Variants in RGS21 observed in about 807,000 individuals in gnomAD.
RGS21 encodes the protein regulator of G protein signaling 21.
In RGS21, 19 loss-of-function variants were observed where a neutral mutation model predicts 18.7. The ratio of observed to expected loss-of-function variants is 1.01; its 90% CI spans 0.71 to 1.49. The LOEUF is 1.49. RGS21 is among the 40% of genes most tolerant of loss of function. The probability of loss-of-function intolerance (pLI) is 0.00; values close to 1 mark genes in which losing one functional copy is unlikely to be tolerated. For synonymous variants in RGS21, 56 were observed against 57.8 expected (o/e 0.97, Z 0.14); for missense variants, 194 against 176.8 (o/e 1.10, Z -0.55).
chr1:192,325,022 G>A (rs912244693), intron 1 of RGS21, among the ~76,000 whole-genome samples: 1 of 152,020 alleles, frequency 6.6e-6, no homozygotes, highest in Non-Finnish European at 1.5e-5. Flanking sequence ...TGGGAATAAG[G>A]ATGATCTGGC....
intron 1 of RGS21, among the ~76,000 whole-genome samples, chr1:192,320,937 T>G (rs1426028462): frequency 1.3e-5 from 2 of 152,018 alleles, no homozygotes; most frequent in Admixed American, 1.3e-4. Context: ...ACTCCCCATA[T>G]CATTTATAAA....
intron 1 of RGS21, among the ~76,000 whole-genome samples, chr1:192,327,443 C>A (rs1452967009): frequency 6.6e-6 from 1 of 151,662 alleles, no homozygotes; most frequent in Non-Finnish European, 1.5e-5. Flanking sequence ...AAAATTATTG[C>A]ATTTTAAAAC....
chr1:192,351,699 G>T lies in RGS21; in HGVS notation c.89-348G>T, dbSNP rs138582509. Among the ~76,000 whole-genome samples, 630 of 146,156 alleles carry T rather than the reference G, an allele frequency of 4.3e-3. 3 individuals carry two copies. The highest frequency in any genetic ancestry group is 0.015 in the African/African-American group (600 of 40,042). Reference sequence around the variant, plus strand: ...CACATATAATATATATGCTATATATGCTATATATAGCATATATAACACATA... The same window carrying T: ...CACATATAATATATATGCTATATATTCTATATATAGCATATATAACACATA... On this transcript the variant is annotated intron_variant, in intron 3 of 4. Transcript: ENST00000417209.
At chr1:192,322,008 A>G (rs542251331) in intron 1 of RGS21, among the ~76,000 whole-genome samples, 2 of 152,246 alleles carry the variant, frequency 1.3e-5, no homozygotes, top group South Asian at 2.1e-4. Flanking sequence ...TTTTCTTATA[A>G]TATCTTTTAA....
At chr1:192,340,946 A>G (rs1318306307) in intron 1 of RGS21, among the ~76,000 whole-genome samples, 3 of 152,122 alleles carry the variant, frequency 2.0e-5, no homozygotes, top group South Asian at 2.1e-4. Flanking sequence ...GGGAGCTACA[A>G]TTCAAGATGA....
At chr1:192,351,664 A>C (rs1462435381) in intron 3 of RGS21, among the ~76,000 whole-genome samples, 2 of 148,234 alleles carry the variant, frequency 1.3e-5, no homozygotes, top group Admixed American at 1.4e-4. Flanking sequence ...TATATATATA[A>C]CATATATAAC....
intron 1 of RGS21, among the ~76,000 whole-genome samples, chr1:192,339,381 G>A (rs1442029930): frequency 1.3e-5 from 2 of 152,022 alleles, no homozygotes; most frequent in Non-Finnish European, 1.5e-5. Flanking sequence ...TAATAGTGGG[G>A]TCTCATGTAG....
At chr1:192,327,119 G>A (rs1658578579) in intron 1 of RGS21, among the ~76,000 whole-genome samples, 1 of 152,062 alleles carries the variant, frequency 6.6e-6, no homozygotes, top group African/African-American at 2.4e-5. Context: ...TCGAATAATA[G>A]AGAAATTGTT....
At chr1:192,336,429 G>A (rs1281806033) in intron 1 of RGS21, among the ~76,000 whole-genome samples, 1 of 151,994 alleles carries the variant, frequency 6.6e-6, no homozygotes, top group Non-Finnish European at 1.5e-5. Flanking sequence ...CACTCAGCAT[G>A]GGCAACAAGA....
intron 1 of RGS21, among the ~76,000 whole-genome samples, chr1:192,339,460 A>G (rs1658823976): frequency 6.6e-6 from 1 of 152,070 alleles, no homozygotes. Context: ...TAAGGAAACC[A>G]TATCTAAATG....
At chr1:192,318,552 C>A (rs1658450565) in intron 1 of RGS21, among the ~76,000 whole-genome samples, 1 of 152,190 alleles carries the variant, frequency 6.6e-6, no homozygotes, top group African/African-American at 2.4e-5. Flanking sequence ...AGCAGAAGAA[C>A]AGGGAGAATG....
chr1:192,356,788 T>C lies in RGS21; in HGVS notation c.255+4575T>C, dbSNP rs547913120. ...ATTTTTAAATACCACTTCCTCTATA[T>C]GTTGATGTTATTTTGAGTAGCTTAT... On this transcript the variant is annotated intron_variant, in intron 4 of 4. Transcript: ENST00000417209. Among the ~76,000 whole-genome samples the C allele has an allele frequency of 9.9e-5, 15 of 151,910 alleles. No homozygotes were observed. In the South Asian group the frequency reaches 3.1e-3, roughly 31 times the overall value.
At chr1:192,361,856 G>A (rs1659191742) in intron 4 of RGS21, among the ~76,000 whole-genome samples, 1 of 152,016 alleles carries the variant, frequency 6.6e-6, no homozygotes, top group Non-Finnish European at 1.5e-5. Context: ...CAATTTTCTG[G>A]AGATTTTTAA....
chr1:192,320,174 T>C (rs1016721525), intron 1 of RGS21, among the ~76,000 whole-genome samples: 3 of 151,844 alleles, frequency 2.0e-5, no homozygotes, highest in African/African-American at 7.3e-5. Context: ...TCAGGAAAAA[T>C]AGCTAATGGG....
intron 3 of RGS21, 102 bp downstream of exon 3, chr1:192,347,491 A>C (rs1476903211): frequency 1.6e-6 from 1 of 607,370 alleles, no homozygotes; most frequent in African/African-American, 1.9e-5. Flanking sequence ...TTAATCAATG[A>C]AGTATAAAAT....
At chr1:192,338,649 A>G (rs1658806655) in intron 1 of RGS21, among the ~76,000 whole-genome samples, 1 of 152,038 alleles carries the variant, frequency 6.6e-6, no homozygotes, top group Non-Finnish European at 1.5e-5. Flanking sequence ...TCTTCTTTCC[A>G]AAAGTCTGTG....
At chr1:192,356,511 C>T (rs925494349) in intron 4 of RGS21, among the ~76,000 whole-genome samples, 1 of 151,542 alleles carries the variant, frequency 6.6e-6, no homozygotes, top group African/African-American at 2.4e-5. Context: ...TGATTAAGTG[C>T]AAAACAAAGA....
At chr1:192,352,573 A>T (rs1557980519) in intron 4 of RGS21, among the ~76,000 whole-genome samples, 1 of 152,088 alleles carries the variant, frequency 6.6e-6, no homozygotes, top group African/African-American at 2.4e-5. Flanking sequence ...TTATTTTGCT[A>T]AACTAGGAAT....
At chr1:192,325,122 C>T (rs1658550567) in intron 1 of RGS21, among the ~76,000 whole-genome samples, 1 of 152,016 alleles carries the variant, frequency 6.6e-6, no homozygotes, top group Admixed American at 6.6e-5. Flanking sequence ...TTTCATCACT[C>T]ACGTAGTGAG....
Sources: allele counts gnomAD v4.1 joint callset (sites outside exome capture counted in the v4.1 genomes callset), GRCh38; gene constraint gnomAD v4.1.1; transcripts MANE v1.5; gene names NCBI Gene and HGNC (gene_info 2026-07-23, HGNC 2026-07-21).